The following GALNTL5 variants were observed in gnomAD, a reference collection of about 807,000 sequenced individuals.
GALNTL5 encodes polypeptide N-acetylgalactosaminyltransferase like 5, also known as inactive polypeptide N-acetylgalactosaminyltransferase-like protein 5.
GALNTL5 carries 44 observed loss-of-function variants against 51.0 expected under a neutral mutation model. The observed-to-expected ratio is 0.86, with a 90% confidence interval of 0.68 to 1.11. The LOEUF is 1.11. Among genes scored for constraint, GALNTL5 ranks in the 50% least tolerant of loss-of-function variants. The probability of loss-of-function intolerance (pLI) is 0.00; values close to 1 mark genes in which losing one functional copy is unlikely to be tolerated. For synonymous variants in GALNTL5, 192 were observed against 182.8 expected (o/e 1.05, Z -0.41); for missense variants, 528 against 531.8 (o/e 0.99, Z 0.07).
intron 5 of GALNTL5, among the ~76,000 whole-genome samples, chr7:152,001,087 A>G (rs558650845): frequency 3.6e-5 from 5 of 137,614 alleles, no homozygotes; most frequent in Non-Finnish European, 6.4e-5. Context: ...TTTTTTTTGT[A>G]TTTTTAATAG....
At chr7:151,970,614 C>G (rs1378272678) in intron 2 of GALNTL5, 1 of 223,448 alleles carries the variant, frequency 4.5e-6, no homozygotes, top group Non-Finnish European at 8.9e-6. Context: ...CGTGACCTGC[C>G]TGTTTCCCTT....
At chr7:151,997,534 G>T (rs1336499100) in intron 5 of GALNTL5, among the ~76,000 whole-genome samples, 1 of 152,212 alleles carries the variant, frequency 6.6e-6, no homozygotes, top group Non-Finnish European at 1.5e-5. Context: ...TCATTGAAAT[G>T]TAGGTGCTAG....
chr7:151,994,285 A>G (rs1475191139), intron 5 of GALNTL5, among the ~76,000 whole-genome samples: 2 of 152,104 alleles, frequency 1.3e-5, no homozygotes, highest in South Asian at 2.1e-4. Context: ...TGTGCTACCC[A>G]TGCACATTTA....
At chr7:152,016,231 G>A (rs753826520) in intron 8 of GALNTL5, among the ~76,000 whole-genome samples, 1 of 151,750 alleles carries the variant, frequency 6.6e-6, no homozygotes, top group Non-Finnish European at 1.5e-5. Flanking sequence ...ATGGAGAAAC[G>A]CCATCTCTAC....
At chr7:152,011,582 C>G (rs1293467820) in intron 7 of GALNTL5, among the ~76,000 whole-genome samples, 1 of 152,212 alleles carries the variant, frequency 6.6e-6, no homozygotes, top group Non-Finnish European at 1.5e-5. Flanking sequence ...CTCCCCCATG[C>G]TGAACCTCTT....
chr7:151,965,203 G>A (rs1347596015), intron 1 of GALNTL5, among the ~76,000 whole-genome samples: 1 of 152,192 alleles, frequency 6.6e-6, no homozygotes, highest in Non-Finnish European at 1.5e-5. Flanking sequence ...CTGCTCCAGG[G>A]TTAGCAGCCT....
intron 5 of GALNTL5, among the ~76,000 whole-genome samples, chr7:151,990,398 G>A (rs2081411861): frequency 6.6e-6 from 1 of 151,510 alleles, no homozygotes; most frequent in African/African-American, 2.4e-5. Context: ...GGCTAACACA[G>A]TGAAACCCCT....
chr7:151,996,653 G>A (rs898532893), intron 5 of GALNTL5, among the ~76,000 whole-genome samples: 3 of 152,134 alleles, frequency 2.0e-5, no homozygotes, highest in African/African-American at 7.2e-5. Flanking sequence ...GGAGGGCGAG[G>A]CAGGAGGATC....
At chr7:152,018,934 T>A (rs904203444) in intron 8 of GALNTL5, among the ~76,000 whole-genome samples, 5 of 152,118 alleles carry the variant, frequency 3.3e-5, no homozygotes, top group Admixed American at 6.5e-5. Context: ...AAGATAAGGG[T>A]TCTGTTTGCG....
At chr7:151,986,156 C>A (rs1000543390) in intron 4 of GALNTL5, among the ~76,000 whole-genome samples, 1 of 152,170 alleles carries the variant, frequency 6.6e-6, no homozygotes, top group Non-Finnish European at 1.5e-5. Flanking sequence ...TGATGGTCAT[C>A]CCTTCTCTCA....
At chr7:152,018,782 G>T (rs992635046) in intron 8 of GALNTL5, among the ~76,000 whole-genome samples, 1 of 152,088 alleles carries the variant, frequency 6.6e-6, no homozygotes, top group Non-Finnish European at 1.5e-5. Context: ...GAATGCGATG[G>T]CAAAGACCTA....
At chr7:151,967,766 A>G (rs963577860) in intron 2 of GALNTL5, among the ~76,000 whole-genome samples, 2 of 152,110 alleles carry the variant, frequency 1.3e-5, no homozygotes, top group African/African-American at 4.8e-5. Flanking sequence ...TAGTACAGTA[A>G]AAACTCCACC....
intron 8 of GALNTL5, among the ~76,000 whole-genome samples, chr7:152,016,261 G>A (rs1349991704): frequency 2.0e-5 from 3 of 151,924 alleles, no homozygotes; most frequent in Admixed American, 6.6e-5. Flanking sequence ...AAAATTAGCC[G>A]GGCATCATGG....
Position 152,011,951 on chromosome 7 carries a change from T to C in GALNTL5, c.1027-2693T>C, listed in dbSNP as rs1432226118. Reference sequence around the variant, plus strand: ...AAGCATTTACTTTTTCTTTCATCTGTCCATGGTTGGCCAAAGTGGCTCTGC... The same window carrying C: ...AAGCATTTACTTTTTCTTTCATCTGCCCATGGTTGGCCAAAGTGGCTCTGC... On this transcript the variant is annotated intron_variant, in intron 7 of 8. Transcript: ENST00000392800. Among the ~76,000 whole-genome samples the C allele has an allele frequency of 2.6e-5, 4 of 152,348 alleles. No individual in the cohort carries two copies. The South Asian group carries it at 8.3e-4, about 32-fold the overall frequency.
chr7:152,019,924 A>G lies in GALNTL5; in HGVS notation c.*123A>G. On this transcript the variant is annotated 3_prime_UTR_variant, in exon 9 of 9. Transcript: ENST00000392800. ...CGTGAAATGCAATTAAAAAAATATG[A>G]CCAGACGTGAGTGCCTTTATTTTCC... The G allele has an allele frequency of 2.6e-6, 2 of 780,164 alleles. No homozygotes were observed. The highest frequency in any genetic ancestry group is 4.0e-6 in the Non-Finnish European group (2 of 498,566). 48.3% of individuals were successfully genotyped at this position (780,164 alleles called of 1,614,324 possible).
rs2081595674 is a variant in GALNTL5, at chr7:152,002,698, G to A, written c.659-16G>A. ...CAGCTATGTGGACTAACATTGCCCT[G>A]TTCTTGCCTCCCCAGGGGATGTTCT... On this transcript the variant is annotated splice_polypyrimidine_tract_variant and intron_variant, in intron 5 of 8. Transcript: ENST00000392800. 1 of 1,613,552 alleles carries A rather than the reference G, an allele frequency of 6.2e-7. No individual in the cohort carries two copies. Among genetic ancestry groups the A allele is most frequent in the Non-Finnish European group, 8.5e-7 (1 of 1,179,740 alleles).
At chr7:151,986,356 G>A (rs931907806) in intron 4 of GALNTL5, among the ~76,000 whole-genome samples, 10 of 152,128 alleles carry the variant, frequency 6.6e-5, no homozygotes, top group African/African-American at 1.9e-4. Flanking sequence ...TTTACAGGGC[G>A]AGGCGTGGTG....
intron 3 of GALNTL5, 178 bp from the exon 4 acceptor site, chr7:151,982,808 C>G: frequency 7.6e-7 from 1 of 1,313,726 alleles, no homozygotes; most frequent in Non-Finnish European, 1.1e-6. Context: ...ATTAGAACAA[C>G]ATAAGAAGTT....
intron 1 of GALNTL5, among the ~76,000 whole-genome samples, chr7:151,962,703 G>A (rs1250932016): frequency 6.6e-6 from 1 of 151,784 alleles, no homozygotes; most frequent in Non-Finnish European, 1.5e-5. Context: ...CCACCTCCCG[G>A]GTTCACACAA....
Sources: gnomAD v4.1 joint callset for allele counts (sites outside exome capture counted in the v4.1 genomes callset) on GRCh38, gnomAD v4.1.1 for gene constraint, MANE v1.5 for transcripts, NCBI Gene and HGNC (gene_info 2026-07-23, HGNC 2026-07-21) for gene names.